ATP8B4: variants seen among roughly 807,000 people sequenced by gnomAD.
The protein encoded by ATP8B4 is ATPase phospholipid transporting 8B4 (putative).
Under a neutral mutation model 145.6 loss-of-function variants are expected in ATP8B4, and 133 were observed. That is an observed-to-expected ratio of 0.91 (90% CI 0.79 to 1.05). The LOEUF is 1.05. Among genes scored for constraint, ATP8B4 ranks in the 50% least tolerant of loss-of-function variants. ATP8B4 has a pLI of 0.00. For missense variants in ATP8B4, 1,458 were observed against 1,425.2 expected, an observed-to-expected ratio of 1.02 and a Z score of -0.37; for synonymous variants, 507 against 492.9, an observed-to-expected ratio of 1.03 and a Z score of -0.38.
At chr15:49,995,710 T>C (rs2047368140) in intron 9 of ATP8B4, among the ~76,000 whole-genome samples, 1 of 151,986 alleles carries the variant, frequency 6.6e-6, no homozygotes, top group Non-Finnish European at 1.5e-5. Context: ...TTTCCCTAAG[T>C]GGATCCCCCA....
Position 49,959,955 on chromosome 15 carries a change from T to C in ATP8B4, c.1287+2022A>G, listed in dbSNP as rs561126529. Among the ~76,000 whole-genome samples, 18 of 150,340 alleles carry C rather than the reference T, an allele frequency of 1.2e-4. No homozygotes were observed. The South Asian group carries it at 3.6e-3, about 30-fold the overall frequency. ...ATAAGCAAAACAGTTAAGAGAAATC[T>C]AGGGGAAAAAAAGAGCACTGAAAAA... On this transcript the variant is annotated intron_variant, in intron 14 of 27. Transcript: ENST00000284509.
chr15:50,132,792 G>A (rs544529684), intron 1 of ATP8B4, among the ~76,000 whole-genome samples: 11 of 152,286 alleles, frequency 7.2e-5, no homozygotes, highest in Non-Finnish European at 4.4e-5. Context: ...AAAAAAGGAT[G>A]AGTTCATGTC....
chr15:49,953,259 G>A (rs1190138746), intron 14 of ATP8B4, among the ~76,000 whole-genome samples: 2 of 152,156 alleles, frequency 1.3e-5, no homozygotes, highest in Non-Finnish European at 2.9e-5. Context: ...GTTTCACTGG[G>A]TGGAAACCCA....
intron 3 of ATP8B4, among the ~76,000 whole-genome samples, chr15:50,073,758 T>C (rs1215637110): frequency 6.6e-6 from 1 of 152,168 alleles, no homozygotes; most frequent in Non-Finnish European, 1.5e-5. Context: ...TCAAATGCCA[T>C]TCATCAACCA....
chr15:49,897,492 T>G lies in ATP8B4; in HGVS notation c.2497A>C (p.Ser833Arg). The G allele has an allele frequency of 6.4e-7, 1 of 1,571,394 alleles. No individual in the cohort carries two copies. Among genetic ancestry groups the G allele is most frequent in the South Asian group, 1.2e-5 (1 of 83,620 alleles). Residue 833 changes from serine (S) to arginine (R), a missense_variant, in exon 23 of 28, where the codon AGC (serine) becomes CGC (arginine). Physicochemically the swap from Ser to Arg is moderately radical, Grantham distance 110. Coordinates refer to ENST00000284509, the MANE Select transcript of ATP8B4 (RefSeq NM_024837.4). ...IKSAHIGVGI[S>R]GQEGLQAVLA... ...ACTGCTTGCAATCCTTCCTGGCCGC[T>G]GATGCCAACACCAATGTGAGCACCT...
At chr15:50,136,467 G>C (rs769774519) in intron 1 of ATP8B4, among the ~76,000 whole-genome samples, 16 of 152,218 alleles carry the variant, frequency 1.1e-4, no homozygotes, top group Non-Finnish European at 2.2e-4. Flanking sequence ...ATAAAGCCAG[G>C]CTGGGGCAAA....
At chr15:49,942,332 A>G (rs1004688899) in intron 14 of ATP8B4, among the ~76,000 whole-genome samples, 1 of 152,118 alleles carries the variant, frequency 6.6e-6, no homozygotes, top group African/African-American at 2.4e-5. Context: ...AACTGTGACC[A>G]AACATTTCCT....
At chr15:50,062,302 G>A (rs554055758) in intron 3 of ATP8B4, among the ~76,000 whole-genome samples, 2 of 152,080 alleles carry the variant, frequency 1.3e-5, no homozygotes, top group Non-Finnish European at 2.9e-5. Context: ...ATTTAGAAGT[G>A]TATGTCACCT....
At chr15:50,169,083 C>A (rs917807417) in intron 1 of ATP8B4, among the ~76,000 whole-genome samples, 3 of 152,204 alleles carry the variant, frequency 2.0e-5, no homozygotes, top group Non-Finnish European at 4.4e-5. Flanking sequence ...ATCTGATGGT[C>A]CTTCCCTATC....
chr15:49,873,331 T>C (rs1289313209), intron 25 of ATP8B4, among the ~76,000 whole-genome samples: 1 of 152,194 alleles, frequency 6.6e-6, no homozygotes, highest in African/African-American at 2.4e-5. Flanking sequence ...GAGAATTATG[T>C]ACTACATGAA....
At chr15:50,042,682 G>A (rs2051391957) in intron 5 of ATP8B4, among the ~76,000 whole-genome samples, 1 of 151,876 alleles carries the variant, frequency 6.6e-6, no homozygotes, top group Admixed American at 6.6e-5. Flanking sequence ...TCATTTTCTG[G>A]TGTCTCTTTC....
chr15:50,137,666 C>A (rs1022084554), intron 1 of ATP8B4, among the ~76,000 whole-genome samples: 1 of 152,182 alleles, frequency 6.6e-6, no homozygotes, highest in African/African-American at 2.4e-5. Flanking sequence ...TGTCACTGTG[C>A]ACCATGAGGC....
intron 1 of ATP8B4, among the ~76,000 whole-genome samples, chr15:50,173,265 T>A (rs1183797397): frequency 6.6e-6 from 1 of 152,132 alleles, no homozygotes. Flanking sequence ...GGGGGAAATG[T>A]GGGGAAAAGA....
At chr15:49,958,063 C>A (rs1366719804) in intron 14 of ATP8B4, among the ~76,000 whole-genome samples, 1 of 151,470 alleles carries the variant, frequency 6.6e-6, no homozygotes, top group Non-Finnish European at 1.5e-5. Context: ...AAAATATATT[C>A]TTTTATTAAC....
chr15:50,104,798 C>T (rs913982550), intron 2 of ATP8B4, among the ~76,000 whole-genome samples: 2 of 151,586 alleles, frequency 1.3e-5, no homozygotes, highest in African/African-American at 4.8e-5. Flanking sequence ...GCACAATTCT[C>T]AATCGCAAAA....
At chr15:49,925,236 TA>T (rs1233815697) in intron 16 of ATP8B4, among the ~76,000 whole-genome samples, 2 of 147,706 alleles carry the variant, frequency 1.4e-5, no homozygotes, top group East Asian at 1.9e-4. Flanking sequence ...AACATTTCTA[TA>T]AAAAAACTAT....
chr15:50,173,787 T>G (rs2140874687), intron 1 of ATP8B4, among the ~76,000 whole-genome samples: 1 of 152,096 alleles, frequency 6.6e-6, no homozygotes, highest in Non-Finnish European at 1.5e-5. Flanking sequence ...CCCTAATTCA[T>G]TCTATGAAGC....
intron 5 of ATP8B4, among the ~76,000 whole-genome samples, chr15:50,042,950 T>C (rs140354753): frequency 1.1e-4 from 16 of 152,344 alleles, no homozygotes; most frequent in African/African-American, 3.6e-4. Flanking sequence ...CTAACCATAA[T>C]GATAATTATA....
chr15:50,027,378 G>GAT (rs1307338576), intron 6 of ATP8B4, among the ~76,000 whole-genome samples: 8 of 150,354 alleles, frequency 5.3e-5, no homozygotes, highest in Admixed American at 3.3e-4. Context: ...GGGATGGATG[G>GAT]GTGGATGGAT....
Sources: allele counts gnomAD v4.1 joint callset (sites outside exome capture counted in the v4.1 genomes callset), GRCh38; gene constraint gnomAD v4.1.1; transcripts MANE v1.5; gene names NCBI Gene and HGNC (gene_info 2026-07-23, HGNC 2026-07-21).